TRIM8: variants seen among roughly 807,000 people sequenced by gnomAD.
TRIM8 encodes tripartite motif containing 8, also known as E3 ubiquitin-protein ligase TRIM8.
Under a neutral mutation model 55.7 loss-of-function variants are expected in TRIM8, and 9 were observed. The observed-to-expected ratio is 0.16, with a 90% confidence interval of 0.10 to 0.28. The LOEUF is 0.28. Ranked by LOEUF, TRIM8 falls within the 10% of genes least tolerant of loss-of-function variation. The probability of loss-of-function intolerance (pLI) is 1.00; values close to 1 mark genes in which losing one functional copy is unlikely to be tolerated. For synonymous variants in TRIM8, 335 were observed against 333.3 expected (o/e 1.01, Z -0.06); for missense variants, 556 against 736.4 (o/e 0.76, Z 2.83).
intron 1 of TRIM8, among the ~76,000 whole-genome samples, chr10:102,652,752 G>A (rs73342664): frequency 0.036 from 5,484 of 151,872 alleles, 344 homozygotes; most frequent in African/African-American, 0.12. Context: ...CTAGTGATAC[G>A]TAGGTACTGG....
intron 1 of TRIM8, among the ~76,000 whole-genome samples, chr10:102,648,316 G>A (rs1344606794): frequency 6.6e-6 from 1 of 152,162 alleles, no homozygotes; most frequent in Non-Finnish European, 1.5e-5. Flanking sequence ...GAGCAGGCCC[G>A]GTTGCATGTG....
At chr10:102,654,424 G>A (rs2064007519) in intron 1 of TRIM8, 1 of 455,646 alleles carries the variant, frequency 2.2e-6, no homozygotes, top group Non-Finnish European at 4.0e-6. Flanking sequence ...GCAACAGAGT[G>A]AGAATCCATC....
chr10:102,656,294 C>T lies in TRIM8; in HGVS notation c.957C>T (p.Ser319=), dbSNP rs1465226825. Reference sequence around the variant, plus strand: ...GGACCCAGACCTGCACGAGCAGCAGCCTTTCCCCCACTAAGATCGGCCACC... The same window carrying T: ...GGACCCAGACCTGCACGAGCAGCAGTCTTTCCCCCACTAAGATCGGCCACC... The part of the protein sequence containing the change: ...MDRTQTCTSS[S]LSPTKIGHLN... The change falls in exon 5 of 6, where the codon AGC becomes AGT. Residue 319 remains serine, a synonymous_variant. Transcript: ENST00000643721. The surrounding 1 kb of genome is among the most constrained non-coding windows in gnomAD (Gnocchi z 4.6). 5 of 1,614,200 alleles carry T rather than the reference C, an allele frequency of 3.1e-6. No homozygotes were observed.
chr10:102,655,178 C>T lies in TRIM8; in HGVS notation c.765C>T (p.Asp255=). The T allele has an allele frequency of 6.2e-7, 1 of 1,611,220 alleles. No individual in the cohort carries two copies. Among genetic ancestry groups the T allele is most frequent in the East Asian group, 2.2e-5 (1 of 44,876 alleles). Residue 255 remains aspartate (D), a synonymous_variant, in exon 3 of 6, where the codon GAC becomes GAT. Coordinates refer to ENST00000643721, the MANE Select transcript of TRIM8 (RefSeq NM_030912.3). ...EDLRQTVEVL[D]KAQAKFCSEN... The stretch of plus-strand genomic sequence containing the variant: ...TGCGGCAGACAGTGGAGGTCCTAGA[C>T]AAGGCCCAGGCCAAGTTCTGCAGCG...
chr10:102,645,194 A>G lies in TRIM8; in HGVS notation c.570+7A>G, dbSNP rs1189706736. 6.5e-7 allele frequency: 1 copy of G among 1,526,776 alleles called. No homozygotes were observed. Among genetic ancestry groups the G allele is most frequent in the South Asian group, 1.2e-5 (1 of 80,708 alleles). The allele number at this position is 1,526,776 out of a possible 1,614,324, so 94.6% of individuals were successfully genotyped here. A position where few individuals can be genotyped will look rare whatever the true frequency, so the allele number is the denominator to read the frequency against. On this transcript the variant is annotated splice_region_variant and intron_variant, in intron 1 of 5. Coordinates refer to ENST00000643721, the MANE Select transcript of TRIM8 (RefSeq NM_030912.3). ...CCGAAGGAATGAAATCCGGGCAAGTACCCTACGCGCGCGCGCGCACACACA... is the reference window on the plus strand; with the variant it reads ...CCGAAGGAATGAAATCCGGGCAAGTGCCCTACGCGCGCGCGCGCACACACA...
intron 1 of TRIM8, among the ~76,000 whole-genome samples, chr10:102,650,292 G>C (rs1341776777): frequency 6.6e-6 from 1 of 152,192 alleles, no homozygotes; most frequent in African/African-American, 2.4e-5. Context: ...GCTTTCCTGG[G>C]GCAGGAATGT....
Position 102,657,171 on chromosome 10 carries a change from C to A in TRIM8, c.1473C>A (p.Gly491=). The A allele has an allele frequency of 6.2e-7, 1 of 1,613,890 alleles. No individual in the cohort carries two copies. Among genetic ancestry groups the A allele is most frequent in the Non-Finnish European group, 8.5e-7 (1 of 1,179,948 alleles). Residue 491 remains glycine (G), a synonymous_variant, in exon 6 of 6, where the codon GGC becomes GGA. Transcript: ENST00000643721. The stretch of plus-strand genomic sequence containing the variant: ...GCCACCAGCCCTACCCCCGCTCCGG[C>A]CACTTTCCCTGGACAGTGCCCTCGC... ...HGGHQPYPRS[G]HFPWTVPSQE...
chr10:102,644,701 G>A lies in TRIM8; in HGVS notation c.84G>A (p.Leu28=). ...CLHVFVEPVQ[L]PCKHNFCRGC... ...ACGTTTTCGTGGAGCCAGTGCAGCT[G>A]CCGTGCAAACACAACTTCTGCCGGG... The change falls in exon 1 of 6, where the codon CTG becomes CTA. Residue 28 remains leucine (L), a synonymous_variant. Transcript: ENST00000643721. 6.2e-7 allele frequency: 1 copy of A among 1,613,606 alleles called. No homozygotes were observed. The highest frequency in any genetic ancestry group is 8.5e-7 in the Non-Finnish European group (1 of 1,179,942).
chr10:102,646,033 G>T (rs963562891), intron 1 of TRIM8, among the ~76,000 whole-genome samples: 1 of 152,278 alleles, frequency 6.6e-6, no homozygotes, highest in African/African-American at 2.4e-5. Flanking sequence ...TGGCTCCCCT[G>T]GGCTGCCGGC....
At chr10:102,650,279 G>C (rs997400477) in intron 1 of TRIM8, among the ~76,000 whole-genome samples, 1 of 152,216 alleles carries the variant, frequency 6.6e-6, no homozygotes, top group Non-Finnish European at 1.5e-5. Context: ...AGAGGGACAT[G>C]AGGCTTTCCT....
At chr10:102,651,935 G>C (rs2135980760) in intron 1 of TRIM8, among the ~76,000 whole-genome samples, 1 of 152,330 alleles carries the variant, frequency 6.6e-6, no homozygotes, top group East Asian at 1.9e-4. Flanking sequence ...CGGGCTCGGG[G>C]CTCAGGTGGC....
In TRIM8 at chr10:102,657,990, G is replaced by T. The variant is rs1263558872; in HGVS notation, c.*636G>T. 1 of 152,388 alleles carries T rather than the reference G, an allele frequency of 6.6e-6. No homozygotes were observed. Among genetic ancestry groups the T allele is most frequent in the Non-Finnish European group, 1.5e-5 (1 of 68,014 alleles). 9.4% of individuals were successfully genotyped at this position (152,388 alleles called of 1,614,324 possible). On this transcript the variant is annotated 3_prime_UTR_variant, in exon 6 of 6. Coordinates refer to ENST00000643721, the MANE Select transcript of TRIM8 (RefSeq NM_030912.3). Reference sequence around the variant, plus strand: ...CAGCCTCAGAGTGGAATCTTTTAAAGACAGGACCCCTATGTCCAGGAAAGG... The same window carrying T: ...CAGCCTCAGAGTGGAATCTTTTAAATACAGGACCCCTATGTCCAGGAAAGG...
In TRIM8 at chr10:102,644,880, C is replaced by A. The variant is rs766807097; in HGVS notation, c.263C>A (p.Ala88Glu). Residue 88 changes from alanine to glutamate, a missense_variant, in exon 1 of 6, where the codon GCG becomes GAG. Coordinates refer to ENST00000643721, the MANE Select transcript of TRIM8 (RefSeq NM_030912.3). ...GCCCTGCACGTGGAGAAGCCGCCGG[C>A]GGCGCTGCACTGCGTGTTCTGCCGC... The part of the protein sequence containing the change: ...FNALHVEKPP[A>E]ALHCVFCRRG... 2 of 1,611,370 alleles carry A rather than the reference C, an allele frequency of 1.2e-6. No individual in the cohort carries two copies. Among genetic ancestry groups the A allele is most frequent in the East Asian group, 4.5e-5 (2 of 44,798 alleles).
rs1204830553 is a variant in TRIM8 at position 102,656,876 on chromosome 10, C to T, written c.1178C>T (p.Ser393Leu). ...FPEASFLETS[S>L]GPVGGQYGAA... The stretch of plus-strand genomic sequence containing the variant: ...GAGGCCAGTTTCCTAGAGACGTCGT[C>T]GGGCCCTGTGGGCGGCCAGTACGGG... Residue 393 changes from serine (S) to leucine (L), a missense_variant, in exon 6 of 6, where the codon TCG (serine) becomes TTG (leucine). Transcript: ENST00000643721. This position sits in a 1 kb window ranked among gnomAD's most constrained non-coding sequence, Gnocchi z 4.6. 17 of 1,573,082 alleles carry T rather than the reference C, an allele frequency of 1.1e-5. No individual in the cohort carries two copies. The highest frequency in any genetic ancestry group is 1.7e-4 in the Middle Eastern group (1 of 5,850).
At position 102,644,863 on chromosome 10, in the gene TRIM8, C is replaced by T; in HGVS notation, c.246C>T (p.His82=). Residue 82 remains histidine (H), a synonymous_variant, in exon 1 of 6, where the codon CAC becomes CAT. Transcript: ENST00000643721. ...TNIVEKFNAL[H]VEKPPAALHC... ...TCGTGGAGAAGTTCAATGCCCTGCA[C>T]GTGGAGAAGCCGCCGGCGGCGCTGC... is the stretch of plus-strand genomic sequence containing the variant. The T allele has an allele frequency of 2.5e-6, 4 of 1,612,134 alleles. No homozygotes were observed. The highest frequency in any genetic ancestry group is 3.4e-6 in the Non-Finnish European group (4 of 1,179,590).
intron 3 of TRIM8, among the ~76,000 whole-genome samples, 158 bp from the exon 4 acceptor site, chr10:102,655,948 G>T (rs978002147): frequency 7.2e-5 from 11 of 152,118 alleles, no homozygotes; most frequent in Non-Finnish European, 1.5e-5. Flanking sequence ...CTCTTCTTCC[G>T]CAAATGGCCA....
chr10:102,648,192 G>C (rs1564719071), intron 1 of TRIM8, among the ~76,000 whole-genome samples: 1 of 152,142 alleles, frequency 6.6e-6, no homozygotes, highest in Non-Finnish European at 1.5e-5. Flanking sequence ...GTCCTGAGTG[G>C]TCAGACCCCT....
At chr10:102,649,214 GAAGTT>G (rs2063961505) in intron 1 of TRIM8, 1 of 152,264 alleles carries the variant, frequency 6.6e-6, no homozygotes, top group African/African-American at 2.4e-5. Context: ...CCTGCGAGTT[GAAGTT>G]GAGTGTGCCT....
rs1029374130 is a variant in TRIM8, at chr10:102,657,366, C to T, written c.*12C>T. The T allele has an allele frequency of 1.5e-5, 23 of 1,540,390 alleles. No homozygotes were observed. Among genetic ancestry groups the T allele is most frequent in the Middle Eastern group, 1.8e-4 (1 of 5,614 alleles). ...ACGTGACGAGCTAACGCCACGCAGG[C>T]GGCGGGGCGCTGGGGAATCTTCCTC... On this transcript the variant is annotated 3_prime_UTR_variant, in exon 6 of 6. Coordinates refer to ENST00000643721, the MANE Select transcript of TRIM8 (RefSeq NM_030912.3).
Sources: gnomAD v4.1 joint callset for allele counts (sites outside exome capture counted in the v4.1 genomes callset) on GRCh38, gnomAD v4.1.1 for gene constraint, Gnocchi (gnomAD v3.1) non-coding constraint, MANE v1.5 for transcripts, NCBI Gene and HGNC (gene_info 2026-07-23, HGNC 2026-07-21) for gene names.